The following PATJ variants were observed in gnomAD, a reference collection of about 807,000 sequenced individuals.
PATJ encodes the protein inaD-like protein.
Under a neutral mutation model 224.9 loss-of-function variants are expected in PATJ, and 190 were observed. The observed-to-expected ratio is 0.84, with a 90% confidence interval of 0.75 to 0.95. The LOEUF is 0.95. Ranked by LOEUF, PATJ falls within the 40% of genes least tolerant of loss-of-function variation. PATJ has a pLI of 0.00. For missense variants in PATJ, 2,121 were observed against 2,270.3 expected (o/e 0.93, Z 1.34); for synonymous variants, 769 against 820.3 (o/e 0.94, Z 1.07).
At position 61,926,696 on chromosome 1, in the gene PATJ, A is replaced by G. The variant is rs1188333234; in HGVS notation, c.3571-1034A>G. Among the ~76,000 whole-genome samples the G allele has an allele frequency of 2.6e-5, 4 of 152,162 alleles. 1 individual carries two copies. Among genetic ancestry groups the G allele is most frequent in the Non-Finnish European group, 5.9e-5 (4 of 68,026 alleles). On this transcript the variant is annotated intron_variant, in intron 26 of 43. Coordinates refer to ENST00000642238, the MANE Select transcript of PATJ (RefSeq NM_001350145.3). ...AGATTTTTGGATTTTCTACAAGTGT[A>G]TATAGTTTCTGCTTTGGTTCGACAT...
rs374594803 is a variant in PATJ at position 62,136,015 on chromosome 1, A to ATTTTTTTTT, written c.5271+7091_5271+7099dup. On this transcript the variant is annotated intron_variant, in intron 41 of 43. Coordinates refer to ENST00000642238, the MANE Select transcript of PATJ (RefSeq NM_001350145.3). Reference sequence around the variant, plus strand: ...GCTTCACACTTCTTCAGACCATTAGATTTTTTTTTTTTTTTTTTTTTTTTT... The same window carrying ATTTTTTTTT: ...GCTTCACACTTCTTCAGACCATTAGATTTTTTTTTTTTTTTTTTTTTTTTTTTTTTTTTT... Among the ~76,000 whole-genome samples the ATTTTTTTTT allele has an allele frequency of 3.9e-4, 25 of 63,902 alleles. 1 individual carries two copies. Among genetic ancestry groups the ATTTTTTTTT allele is most frequent in the African/African-American group, 5.8e-4 (9 of 15,578 alleles). The allele number at this position is 63,902 out of a possible 152,430, so 41.9% of individuals were successfully genotyped here. A position where few individuals can be genotyped will look rare whatever the true frequency, so the allele number is the denominator to read the frequency against.
intron 12 of PATJ, among the ~76,000 whole-genome samples, chr1:61,803,157 C>T (rs1161128642): frequency 3.3e-5 from 5 of 152,052 alleles, no homozygotes; most frequent in Non-Finnish European, 5.9e-5. Context: ...ATTACAATGA[C>T]AAGACAAAGT....
chr1:62,060,007 C>G (rs1417448788), intron 31 of PATJ, among the ~76,000 whole-genome samples: 2 of 152,148 alleles, frequency 1.3e-5, no homozygotes, highest in African/African-American at 4.8e-5. Context: ...AGAGGATTAC[C>G]TTCATTCTTG....
At chr1:61,861,836 G>A (rs1304197124) in intron 19 of PATJ, among the ~76,000 whole-genome samples, 169 bp downstream of exon 19, 1 of 152,060 alleles carries the variant, frequency 6.6e-6, no homozygotes, top group Non-Finnish European at 1.5e-5. Context: ...TGGCTAAATA[G>A]ATATAAATGA....
intron 36 of PATJ, 60 bp downstream of exon 36, chr1:62,116,739 C>G: frequency 6.6e-7 from 1 of 1,503,994 alleles, no homozygotes; most frequent in Non-Finnish European, 9.0e-7. Flanking sequence ...GGGAACTGTT[C>G]CAGTCTAGCT....
At chr1:62,029,846 A>T (rs1278928621) in intron 29 of PATJ, among the ~76,000 whole-genome samples, 2 of 152,250 alleles carry the variant, frequency 1.3e-5, no homozygotes, top group Non-Finnish European at 2.9e-5. Flanking sequence ...ATGCCATAAA[A>T]GGTCATACAG....
intron 31 of PATJ, chr1:62,072,393 T>G (rs1392528636): frequency 6.6e-6 from 1 of 152,082 alleles, no homozygotes; most frequent in Non-Finnish European, 1.5e-5. Context: ...TATAGGGATA[T>G]TAGTGTAACG....
At chr1:62,120,998 T>G (rs1664978399) in intron 37 of PATJ, 183 bp from the exon 38 acceptor site, 3 of 481,010 alleles carry the variant, frequency 6.2e-6, no homozygotes, top group Non-Finnish European at 7.3e-6. Flanking sequence ...AATGTCTAAA[T>G]GGGATTGGGT....
intron 28 of PATJ, chr1:61,991,698 G>A: frequency 5.1e-6 from 5 of 983,644 alleles, no homozygotes; most frequent in Non-Finnish European, 6.0e-6. Context: ...CACCACGAAT[G>A]GGACCCACAT....
At chr1:62,071,634 C>CA (rs113091204) in intron 31 of PATJ, among the ~76,000 whole-genome samples, 1,799 of 152,028 alleles carry the variant, frequency 0.012, 36 homozygotes, top group African/African-American at 0.041. Flanking sequence ...ACTGGGATTA[C>CA]AGGCACCCAG....
intron 40 of PATJ, 127 bp from the exon 41 acceptor site, chr1:62,128,714 C>T (rs570995635): frequency 1.2e-5 from 8 of 689,850 alleles, no homozygotes; most frequent in African/African-American, 8.7e-5. Flanking sequence ...CATGCATGCA[C>T]GGTAGTAACG....
At position 61,890,435 on chromosome 1, in the gene PATJ, T is replaced by C. The variant is rs1395473985; in HGVS notation, c.3131+6027T>C. 5.9e-5 allele frequency among the ~76,000 whole-genome samples: 9 copies of C among 152,204 alleles called. No individual in the cohort carries two copies. In the South Asian group the frequency reaches 1.0e-3, roughly 17 times the overall value. On this transcript the variant is annotated intron_variant, in intron 22 of 43. Transcript: ENST00000642238. ...TCGAGGTTATAGCAAGCTATGATTA[T>C]ACCACTGCACTCCAGCCTGGCAAAC...
intron 1 of PATJ, among the ~76,000 whole-genome samples, chr1:61,757,421 G>C (rs1413055958): frequency 6.6e-6 from 1 of 151,982 alleles, no homozygotes; most frequent in Non-Finnish European, 1.5e-5. Context: ...GTCTCATGCT[G>C]TCACCCAGGC....
intron 31 of PATJ, among the ~76,000 whole-genome samples, chr1:62,058,685 A>G (rs1005564501): frequency 6.6e-6 from 1 of 152,218 alleles, no homozygotes; most frequent in African/African-American, 2.4e-5. Context: ...GGTAGCTATC[A>G]TTAATACCAG....
chr1:61,746,965 A>G (rs1308499066), intron 1 of PATJ, among the ~76,000 whole-genome samples: 1 of 152,192 alleles, frequency 6.6e-6, no homozygotes, highest in African/African-American at 2.4e-5. Flanking sequence ...AGTTCTTACA[A>G]TTGCATTTTT....
At chr1:62,052,169 ATCTAAC>A (rs1375249755) in intron 31 of PATJ, among the ~76,000 whole-genome samples, 7 of 152,336 alleles carry the variant, frequency 4.6e-5, no homozygotes, top group Admixed American at 3.9e-4. Flanking sequence ...TAGGAGTGTC[ATCTAAC>A]TCTGATTTTA....
At chr1:61,879,069 C>T (rs978028915) in intron 21 of PATJ, among the ~76,000 whole-genome samples, 2 of 152,218 alleles carry the variant, frequency 1.3e-5, no homozygotes, top group Non-Finnish European at 2.9e-5. Context: ...CAGGCGTGAG[C>T]CACCGCACCT....
At chr1:62,042,666 A>G (rs1311643976) in intron 30 of PATJ, among the ~76,000 whole-genome samples, 1 of 152,128 alleles carries the variant, frequency 6.6e-6, no homozygotes, top group African/African-American at 2.4e-5. Flanking sequence ...TTAAAAAAAA[A>G]GACAAGATCT....
chr1:61,978,260 A>C (rs1465708933), intron 27 of PATJ, among the ~76,000 whole-genome samples: 4 of 56,104 alleles, frequency 7.1e-5, no homozygotes, highest in African/African-American at 1.4e-4. Context: ...TCCTTCCTTT[A>C]TTCTTTCTTC....
Sources: gnomAD v4.1 joint callset for allele counts (sites outside exome capture counted in the v4.1 genomes callset) on GRCh38, gnomAD v4.1.1 for gene constraint, MANE v1.5 for transcripts, NCBI Gene and HGNC (gene_info 2026-07-23, HGNC 2026-07-21) for gene names.